NELFA: variants seen among roughly 807,000 people sequenced by gnomAD.
NELFA encodes negative elongation factor complex member A, also known as negative elongation factor A.
NELFA carries 35 observed loss-of-function variants against 51.8 expected under a neutral mutation model. The ratio of observed to expected loss-of-function variants is 0.68; its 90% CI spans 0.52 to 0.90. The LOEUF is 0.90. NELFA is among the 40% of genes least tolerant of loss of function. The pLI, the probability that NELFA is intolerant of heterozygous loss-of-function variation, is 0.00. For missense variants in NELFA, 658 were observed against 746.4 expected, an observed-to-expected ratio of 0.88 and a Z score of 1.38; for synonymous variants, 417 against 338.4, an observed-to-expected ratio of 1.23 and a Z score of -2.55.
intron 3 of NELFA, among the ~76,000 whole-genome samples, chr4:1,988,356 C>G (rs992791535): frequency 2.6e-5 from 4 of 152,270 alleles, no homozygotes; most frequent in Non-Finnish European, 5.9e-5. Context: ...CGCTGAGGGT[C>G]AGCAGGCACG....
At chr4:2,008,661 G>A in intron 1 of NELFA, 89 bp downstream of exon 1, 2 of 1,467,214 alleles carry the variant, frequency 1.4e-6, no homozygotes, top group Non-Finnish European at 9.2e-7. Context: ...GGTTGGGGGA[G>A]GGAGCGAGGA....
intron 1 of NELFA, 103 bp downstream of exon 1, chr4:2,008,647 G>C: frequency 7.3e-7 from 1 of 1,378,996 alleles, no homozygotes; most frequent in Non-Finnish European, 9.8e-7. Flanking sequence ...AAGGGGGATG[G>C]GAAGGTTGGG....
intron 1 of NELFA, 45 bp from the exon 2 acceptor site, chr4:1,991,760 T>G: frequency 6.5e-7 from 1 of 1,539,146 alleles, no homozygotes. Flanking sequence ...CCTGCCCACT[T>G]CCAAGCCCAC....
At chr4:1,984,656 G>C in intron 8 of NELFA, 152 bp downstream of exon 8, 1 of 614,002 alleles carries the variant, frequency 1.6e-6, no homozygotes, top group Non-Finnish European at 2.8e-6. Context: ...AAGCTGAACA[G>C]CGGGGCATCT....
intron 1 of NELFA, among the ~76,000 whole-genome samples, chr4:1,993,353 G>A (rs985060579): frequency 1.3e-5 from 2 of 152,086 alleles, no homozygotes; most frequent in Non-Finnish European, 2.9e-5. Flanking sequence ...CGGCAGAGGC[G>A]GGCGGCTCAC....
intron 1 of NELFA, among the ~76,000 whole-genome samples, chr4:2,005,699 A>AAAC (rs1728693140): frequency 6.7e-6 from 1 of 149,446 alleles, no homozygotes; most frequent in African/African-American, 2.5e-5. Flanking sequence ...TCTAAAAAAC[A>AAAC]AACAAACAAA....
rs368331361 is a variant in NELFA at position 1,993,197 on chromosome 4, A to C, written c.211-1482T>G. On this transcript the variant is annotated intron_variant, in intron 1 of 10. Transcript: ENST00000382882. ...AAAAAGTCGGGGATGTTAATTTAAA[A>C]CAAAAAGGACCACTGTTGTGGAGTC... Among the ~76,000 whole-genome samples the C allele has an allele frequency of 3.5e-3, 528 of 152,326 alleles. 3 individuals carry two copies. Among genetic ancestry groups the C allele is most frequent in the African/African-American group, 0.012 (518 of 41,570 alleles).
At chr4:2,008,037 C>A (rs1471746726) in intron 1 of NELFA, 3 of 456,930 alleles carry the variant, frequency 6.6e-6, no homozygotes, top group Admixed American at 4.7e-5. Flanking sequence ...GCGCTCCGGA[C>A]GGCCGGGGTC....
At chr4:1,991,092 C>T (rs1236087265) in intron 2 of NELFA, among the ~76,000 whole-genome samples, 1 of 152,244 alleles carries the variant, frequency 6.6e-6, no homozygotes, top group East Asian at 1.9e-4. Flanking sequence ...AGCCACGGAG[C>T]CCAGCCTTGT....
chr4:1,995,877 A>ATTT (rs36104463), intron 1 of NELFA, among the ~76,000 whole-genome samples: 10 of 144,414 alleles, frequency 6.9e-5, no homozygotes, highest in African/African-American at 2.3e-4. Flanking sequence ...CTTCTCACTG[A>ATTT]TTTTTTTTTT....
chr4:2,002,755 T>G (rs1460724511), intron 1 of NELFA, among the ~76,000 whole-genome samples: 1 of 152,144 alleles, frequency 6.6e-6, no homozygotes, highest in African/African-American at 2.4e-5. Context: ...AAAACTTAAA[T>G]GTAAAACCCA....
At chr4:1,990,623 T>G in intron 2 of NELFA, 1 of 416,726 alleles carries the variant, frequency 2.4e-6, no homozygotes, top group South Asian at 1.7e-5. Flanking sequence ...TGCAGGAGTG[T>G]GCAGCCTCGA....
chr4:1,994,121 C>T (rs1728358610), intron 1 of NELFA, among the ~76,000 whole-genome samples: 1 of 152,120 alleles, frequency 6.6e-6, no homozygotes, highest in African/African-American at 2.4e-5. Flanking sequence ...GGAATAGGGC[C>T]GGGTATAGTG....
intron 7 of NELFA, among the ~76,000 whole-genome samples, chr4:1,985,403 G>A (rs763315999): frequency 2.6e-5 from 4 of 152,096 alleles, no homozygotes; most frequent in Admixed American, 6.5e-5. Context: ...CCTGGTCTCC[G>A]GGACACTGAG....
At position 1,985,863 on chromosome 4, in the gene NELFA, A is replaced by G. The variant is rs757795115; in HGVS notation, c.837T>C (p.Asp279=). The change falls in exon 7 of 11, where the codon GAT becomes GAC. Residue 279 remains aspartate, a splice_region_variant and synonymous_variant. Transcript: ENST00000382882. ...REAKRRRKTL[D]AEVVEKPAKE... is the part of the protein sequence containing the mutation. ...TGGCCGGCTTCTCCACCACCTCCGC[A>G]TCTGTGGACAAAACAGGAGTCCTCG... 1.9e-6 allele frequency: 3 copies of G among 1,612,094 alleles called. No homozygotes were observed. The highest frequency in any genetic ancestry group is 8.5e-7 in the Non-Finnish European group (1 of 1,179,096).
At chr4:1,999,402 T>C (rs1455738531) in intron 1 of NELFA, among the ~76,000 whole-genome samples, 2 of 151,812 alleles carry the variant, frequency 1.3e-5, no homozygotes, top group African/African-American at 4.8e-5. Context: ...AGAAGACTCA[T>C]CTTACACGCA....
chr4:1,984,846 G>A lies in NELFA; in HGVS notation c.998C>T (p.Pro333Leu). 2.5e-6 allele frequency: 4 copies of A among 1,575,072 alleles called. No individual in the cohort carries two copies. The highest frequency in any genetic ancestry group is 3.4e-6 in the Non-Finnish European group (4 of 1,159,590). The change falls in exon 8 of 11, where the codon CCC (proline) becomes CTC (leucine). Residue 333 changes from proline (P) to leucine (L), a missense_variant. By Grantham distance (98) the Pro-to-Leu change is moderately conservative. Transcript: ENST00000382882. ...SYLPSTPSVVPASSYIPSSET... is the reference protein window; with the variant it reads ...SYLPSTPSVVLASSYIPSSET... ...GGAGCTGGGGATGTAGGAGGAGGCG[G>A]GAACCACGCTGGGCGTGGAGGGAAG...
At chr4:1,983,779 C>G in intron 9 of NELFA, 69 bp downstream of exon 9, 1 of 1,595,310 alleles carries the variant, frequency 6.3e-7, no homozygotes, top group Non-Finnish European at 8.6e-7. Context: ...GGCACCCCCA[C>G]GCTAGGGGAG....
At chr4:1,998,287 AGGATTGGAT>A (rs1048974825) in intron 1 of NELFA, among the ~76,000 whole-genome samples, 3 of 152,086 alleles carry the variant, frequency 2.0e-5, no homozygotes, top group Non-Finnish European at 2.9e-5. Flanking sequence ...AACTAGACGG[AGGATTGGAT>A]GGACGAGCTG....
Sources: allele counts gnomAD v4.1 joint callset (sites outside exome capture counted in the v4.1 genomes callset), GRCh38; gene constraint gnomAD v4.1.1; transcripts MANE v1.5; gene names NCBI Gene and HGNC (gene_info 2026-07-23, HGNC 2026-07-21).